Variants in CCSER1 observed in about 807,000 individuals in gnomAD.
The protein encoded by CCSER1 is serine-rich coiled-coil domain-containing protein 1.
In CCSER1, 41 loss-of-function variants were observed where a neutral mutation model predicts 82.0. The observed-to-expected ratio is 0.50, with a 90% CI of 0.39 to 0.65. The LOEUF (loss-of-function observed/expected upper bound fraction) is 0.65. Among genes scored for constraint, CCSER1 ranks in the 30% least tolerant of loss-of-function variants. The pLI, the probability that CCSER1 is intolerant of heterozygous loss-of-function variation, is 0.00. For missense variants in CCSER1, 1,119 were observed against 1,064.2 expected (o/e 1.05, Z -0.72); for synonymous variants, 414 against 383.9 (o/e 1.08, Z -0.92).
At chr4:90,378,243 A>G (rs575500867) in intron 3 of CCSER1, among the ~76,000 whole-genome samples, 1 of 152,274 alleles carries the variant, frequency 6.6e-6, no homozygotes, top group South Asian at 2.1e-4. Context: ...ACTAAAATCT[A>G]TACCTGTCTT....
chr4:90,132,499 T>A (rs1009111065), intron 1 of CCSER1, among the ~76,000 whole-genome samples: 1 of 152,188 alleles, frequency 6.6e-6, no homozygotes, highest in African/African-American at 2.4e-5. Flanking sequence ...CATGTTTTAC[T>A]ATGAAGCTTA....
chr4:90,501,342 G>A (rs767723686), intron 5 of CCSER1, among the ~76,000 whole-genome samples: 3 of 152,102 alleles, frequency 2.0e-5, no homozygotes, highest in Non-Finnish European at 4.4e-5. Context: ...TGCAATTAAC[G>A]ATATTAATAT....
At chr4:90,439,036 G>A (rs1362983548) in intron 4 of CCSER1, among the ~76,000 whole-genome samples, 1 of 152,158 alleles carries the variant, frequency 6.6e-6, no homozygotes, top group Non-Finnish European at 1.5e-5. Flanking sequence ...GCTCACACCT[G>A]TAATCCCAGC....
At chr4:90,211,397 T>C (rs993294637) in intron 1 of CCSER1, among the ~76,000 whole-genome samples, 1 of 152,228 alleles carries the variant, frequency 6.6e-6, no homozygotes, top group Non-Finnish European at 1.5e-5. Context: ...AGGAGAATGA[T>C]TGCATAACTG....
intron 7 of CCSER1, among the ~76,000 whole-genome samples, chr4:90,727,760 G>A (rs1743930197): frequency 1.3e-5 from 2 of 152,086 alleles, no homozygotes; most frequent in South Asian, 4.2e-4. Context: ...TTTATCATGA[G>A]CCATGTTCTT....
intron 3 of CCSER1, among the ~76,000 whole-genome samples, chr4:90,362,400 T>G (rs908469089): frequency 1.3e-5 from 2 of 152,188 alleles, no homozygotes; most frequent in African/African-American, 4.8e-5. Context: ...AAACATTTAG[T>G]GTTTTTCATA....
At chr4:91,533,717 G>A (rs530004080) in intron 10 of CCSER1, among the ~76,000 whole-genome samples, 28 of 151,428 alleles carry the variant, frequency 1.8e-4, no homozygotes, top group African/African-American at 6.3e-4. Flanking sequence ...GTGTATATCA[G>A]GAAAAATGAA....
chr4:90,958,823 T>C (rs1017926196), intron 9 of CCSER1, among the ~76,000 whole-genome samples: 1 of 152,170 alleles, frequency 6.6e-6, no homozygotes, highest in Non-Finnish European at 1.5e-5. Context: ...ATACTTGTTG[T>C]TTAAGCCACC....
chr4:91,478,032 G>T (rs924158052), intron 10 of CCSER1, among the ~76,000 whole-genome samples: 3 of 151,688 alleles, frequency 2.0e-5, no homozygotes, highest in Admixed American at 6.6e-5. Context: ...TCATCAGGTG[G>T]CAAATACCCA....
At chr4:91,424,001 CTTTTTTTTTTTT>C (rs1167472932) in intron 10 of CCSER1, among the ~76,000 whole-genome samples, 40 of 77,472 alleles carry the variant, frequency 5.2e-4, no homozygotes, top group South Asian at 1.1e-3. Flanking sequence ...CTCAGCAGAT[CTTTTTTTTTTTT>C]TTTTTTTTTT....
intron 3 of CCSER1, among the ~76,000 whole-genome samples, chr4:90,322,008 A>G (rs921633502): frequency 1.3e-5 from 2 of 151,668 alleles, no homozygotes; most frequent in Admixed American, 6.6e-5. Context: ...TTTTCCATTT[A>G]TGCTTTGGTT....
At chr4:90,607,966 A>G (rs2148801906) in intron 5 of CCSER1, among the ~76,000 whole-genome samples, 1 of 152,300 alleles carries the variant, frequency 6.6e-6, no homozygotes, top group South Asian at 2.1e-4. Context: ...AAAAGTGTGT[A>G]TTCTATATCC....
chr4:91,064,263 T>C (rs1409317925), intron 9 of CCSER1, among the ~76,000 whole-genome samples: 1 of 152,166 alleles, frequency 6.6e-6, no homozygotes, highest in Non-Finnish European at 1.5e-5. Flanking sequence ...TCCCATATCA[T>C]GAGTCCCAAG....
At chr4:90,816,615 C>A (rs914410617) in intron 8 of CCSER1, among the ~76,000 whole-genome samples, 7 of 151,902 alleles carry the variant, frequency 4.6e-5, no homozygotes, top group African/African-American at 1.7e-4. Context: ...ATTTTTAATT[C>A]ATCATTCATT....
chr4:90,260,231 G>A (rs1188808216), intron 1 of CCSER1, among the ~76,000 whole-genome samples: 3 of 152,072 alleles, frequency 2.0e-5, no homozygotes, highest in African/African-American at 7.2e-5. Context: ...ATTTCCTCTG[G>A]GTTTTCTAGT....
chr4:91,179,359 G>A (rs936683778), intron 10 of CCSER1, among the ~76,000 whole-genome samples: 11 of 152,112 alleles, frequency 7.2e-5, no homozygotes, highest in Admixed American at 6.5e-5. Context: ...ACCTTGCTAG[G>A]TTGGGGAAGT....
At chr4:91,256,531 G>A (rs1391630662) in intron 10 of CCSER1, among the ~76,000 whole-genome samples, 2 of 152,104 alleles carry the variant, frequency 1.3e-5, no homozygotes, top group Non-Finnish European at 2.9e-5. Context: ...GGGCATCACA[G>A]AACCTGCTGA....
At chr4:90,436,860 G>A (rs542458477) in intron 4 of CCSER1, among the ~76,000 whole-genome samples, 212 of 150,732 alleles carry the variant, frequency 1.4e-3, no homozygotes, top group African/African-American at 4.7e-3. Context: ...AGGCTGGAGT[G>A]CAGTGGCGCA....
intron 9 of CCSER1, among the ~76,000 whole-genome samples, chr4:91,064,384 A>G (rs371784205): frequency 1.3e-5 from 2 of 152,368 alleles, no homozygotes. Flanking sequence ...CAAGCTCAGC[A>G]AGAGAAAAGA....
Sources: allele counts gnomAD v4.1 joint callset (sites outside exome capture counted in the v4.1 genomes callset), GRCh38; gene constraint gnomAD v4.1.1; transcripts MANE v1.5; gene names NCBI Gene and HGNC (gene_info 2026-07-23, HGNC 2026-07-21).